The following NBEA variants were observed in gnomAD, a reference collection of about 807,000 sequenced individuals.
NBEA encodes neurobeachin.
NBEA carries 44 observed loss-of-function variants against 343.4 expected under a neutral mutation model. That is an observed-to-expected ratio of 0.13 (90% confidence interval 0.10 to 0.16). The LOEUF (loss-of-function observed/expected upper bound fraction) is 0.16. Ranked by LOEUF, NBEA falls within the 10% of genes least tolerant of loss-of-function variation. The probability of loss-of-function intolerance (pLI) is 1.00; values close to 1 mark genes in which losing one functional copy is unlikely to be tolerated. For synonymous variants in NBEA, 1,175 were observed against 1,238.7 expected (o/e 0.95, Z 1.08); for missense variants, 2,555 against 3,631.3 (o/e 0.70, Z 7.62).
At chr13:35,044,905 G>A in intron 2 of NBEA, 42 bp from the exon 3 acceptor site, 1 of 1,484,340 alleles carries the variant, frequency 6.7e-7, no homozygotes, top group Non-Finnish European at 9.3e-7. Flanking sequence ...ACAGATGGCA[G>A]CTCATGACTA....
intron 10 of NBEA, among the ~76,000 whole-genome samples, chr13:35,074,887 C>A (rs920327727): frequency 3.3e-5 from 5 of 152,066 alleles, no homozygotes; most frequent in African/African-American, 1.2e-4. Context: ...CTACAGTCCT[C>A]ATGTTGTACA....
intron 18 of NBEA, among the ~76,000 whole-genome samples, chr13:35,148,528 A>G (rs554231038): frequency 6.9e-4 from 105 of 152,340 alleles, no homozygotes; most frequent in African/African-American, 2.4e-3. Flanking sequence ...ATTAATATTC[A>G]TCATTGCAAA....
intron 38 of NBEA, among the ~76,000 whole-genome samples, chr13:35,359,872 TTTA>T (rs1352395811): frequency 2.6e-5 from 4 of 151,630 alleles, no homozygotes; most frequent in South Asian, 2.1e-4. Context: ...GATCTCAGTT[TTTA>T]TTATTCATTT....
At chr13:35,117,097 TAA>T (rs2066533617) in intron 13 of NBEA, among the ~76,000 whole-genome samples, 1 of 151,574 alleles carries the variant, frequency 6.6e-6, no homozygotes, top group Admixed American at 6.6e-5. Flanking sequence ...ATTAATGTAA[TAA>T]AAACAGAAAA....
chr13:35,178,651 T>C (rs1439279567), intron 28 of NBEA, among the ~76,000 whole-genome samples: 1 of 151,660 alleles, frequency 6.6e-6, no homozygotes, highest in Admixed American at 6.6e-5. Context: ...ACAGATTTTA[T>C]TTATCCTTTT....
chr13:35,198,428 A>C (rs1014838940), intron 31 of NBEA, among the ~76,000 whole-genome samples: 2 of 152,134 alleles, frequency 1.3e-5, no homozygotes, highest in African/African-American at 4.8e-5. Context: ...ATTAAGTAAA[A>C]TTTTTTGTTT....
chr13:35,322,096 G>C (rs1487659249), intron 36 of NBEA, among the ~76,000 whole-genome samples: 1 of 152,104 alleles, frequency 6.6e-6, no homozygotes, highest in African/African-American at 2.4e-5. Context: ...CCCTTTGCAG[G>C]GGAGTGAACG....
intron 41 of NBEA, among the ~76,000 whole-genome samples, chr13:35,484,177 T>C (rs562249028): frequency 2.0e-4 from 31 of 151,980 alleles, no homozygotes; most frequent in African/African-American, 7.0e-4. Flanking sequence ...TTGAGAAGTT[T>C]ATTGCTAGCC....
chr13:35,158,495 A>C (rs147860519), intron 21 of NBEA, among the ~76,000 whole-genome samples: 1 of 152,230 alleles, frequency 6.6e-6, no homozygotes, highest in Admixed American at 6.6e-5. Flanking sequence ...AAAGTAACAA[A>C]GCCAAAACAG....
At chr13:35,096,519 A>G in intron 10 of NBEA, among the ~76,000 whole-genome samples, 1 of 151,836 alleles carries the variant, frequency 6.6e-6, no homozygotes, top group Non-Finnish European at 1.5e-5. Context: ...ATGGTTCTAT[A>G]TAGTAGGGCG....
At chr13:35,022,879 G>A (rs1045212243) in intron 1 of NBEA, among the ~76,000 whole-genome samples, 1 of 152,058 alleles carries the variant, frequency 6.6e-6, no homozygotes, top group African/African-American at 2.4e-5. Flanking sequence ...ACAAAATGGT[G>A]ATTCTTAATT....
At chr13:35,001,565 A>G (rs932956101) in intron 1 of NBEA, among the ~76,000 whole-genome samples, 1 of 152,178 alleles carries the variant, frequency 6.6e-6, no homozygotes, top group African/African-American at 2.4e-5. Flanking sequence ...GAAATGAGCT[A>G]GGTACAGAAA....
chr13:35,206,767 C>T (rs1011306406), intron 31 of NBEA, among the ~76,000 whole-genome samples: 2 of 151,986 alleles, frequency 1.3e-5, no homozygotes, highest in Admixed American at 6.6e-5. Flanking sequence ...ATTAGTCTTA[C>T]GATTTTACAC....
At chr13:35,526,542 G>A (rs1443201043) in intron 41 of NBEA, among the ~76,000 whole-genome samples, 1 of 152,164 alleles carries the variant, frequency 6.6e-6, no homozygotes, top group African/African-American at 2.4e-5. Flanking sequence ...GGAGGCTGAG[G>A]CAGGAGAATC....
chr13:35,348,317 T>G (rs2039997570), intron 36 of NBEA, among the ~76,000 whole-genome samples: 1 of 152,020 alleles, frequency 6.6e-6, no homozygotes, highest in Non-Finnish European at 1.5e-5. Context: ...TTAGGAAGTG[T>G]GGGAAAAGAA....
intron 11 of NBEA, among the ~76,000 whole-genome samples, chr13:35,100,924 C>A (rs1483591297): frequency 6.6e-6 from 1 of 151,932 alleles, no homozygotes; most frequent in Non-Finnish European, 1.5e-5. Context: ...ATTGCTTATT[C>A]TAAATATTTC....
chr13:35,244,667 C>T (rs889896191), intron 34 of NBEA, among the ~76,000 whole-genome samples: 7 of 151,810 alleles, frequency 4.6e-5, no homozygotes, highest in East Asian at 1.9e-4. Flanking sequence ...GATTGTATTT[C>T]GATGGGAATT....
At chr13:35,327,240 C>A (rs2038623847) in intron 36 of NBEA, among the ~76,000 whole-genome samples, 1 of 152,020 alleles carries the variant, frequency 6.6e-6, no homozygotes, top group Non-Finnish European at 1.5e-5. Flanking sequence ...AAGCTTAAAA[C>A]AGAGCTACCA....
At chr13:35,080,159 C>A (rs2064315382) in intron 10 of NBEA, among the ~76,000 whole-genome samples, 1 of 152,096 alleles carries the variant, frequency 6.6e-6, no homozygotes, top group Admixed American at 6.6e-5. Flanking sequence ...GTATAGGGGT[C>A]ATGTACCATA....
Sources: gnomAD v4.1 joint callset for allele counts (sites outside exome capture counted in the v4.1 genomes callset) on GRCh38, gnomAD v4.1.1 for gene constraint, MANE v1.5 for transcripts, NCBI Gene and HGNC (gene_info 2026-07-23, HGNC 2026-07-21) for gene names.